The following LARGE1 variants were observed in gnomAD, a reference collection of about 807,000 sequenced individuals.
The protein encoded by LARGE1 is LARGE xylosyl- and glucuronyltransferase 1, also known as xylosyl- and glucuronyltransferase LARGE1.
Under a neutral mutation model 87.6 loss-of-function variants are expected in LARGE1, and 43 were observed. The observed-to-expected ratio is 0.49, with a 90% CI of 0.38 to 0.63. The LOEUF (loss-of-function observed/expected upper bound fraction) is 0.63. Among genes scored for constraint, LARGE1 ranks in the 30% least tolerant of loss-of-function variants. The probability of loss-of-function intolerance (pLI) is 0.00; values close to 1 mark genes in which losing one functional copy is unlikely to be tolerated. For missense variants in LARGE1, 802 were observed against 1,000.2 expected, an observed-to-expected ratio of 0.80 and a Z score of 2.67; for synonymous variants, 434 against 394.6, an observed-to-expected ratio of 1.10 and a Z score of -1.18.
chr22:33,600,885 T>C (rs2079095865), intron 5 of LARGE1, among the ~76,000 whole-genome samples: 1 of 152,048 alleles, frequency 6.6e-6, no homozygotes, highest in South Asian at 2.1e-4. Flanking sequence ...GCCAACTTGG[T>C]GAAACCCCGT....
chr22:33,429,279 G>A (rs1323597759), intron 7 of LARGE1, among the ~76,000 whole-genome samples: 1 of 152,124 alleles, frequency 6.6e-6, no homozygotes, highest in Non-Finnish European at 1.5e-5. Context: ...GCATTTTGAT[G>A]TTGCCTAAGT....
the LARGE1 span, among the ~76,000 whole-genome samples, chr22:33,135,609 G>T: frequency 0.32 from 47,961 of 151,948 alleles, 7,865 homozygotes; most frequent in South Asian, 0.46. Flanking sequence ...GGAGACGGAG[G>T]TGGGTGGATC....
At chr22:33,592,270 T>C (rs2078863188) in intron 5 of LARGE1, among the ~76,000 whole-genome samples, 1 of 152,192 alleles carries the variant, frequency 6.6e-6, no homozygotes, top group African/African-American at 2.4e-5. Flanking sequence ...GGAGCAAGAT[T>C]AATTTTTTCC....
chr22:33,871,996 AAAG>A (rs1387423381), intron 1 of LARGE1, among the ~76,000 whole-genome samples: 3 of 151,512 alleles, frequency 2.0e-5, no homozygotes, highest in African/African-American at 7.3e-5. Context: ...AAAAAAAAAA[AAAG>A]AAAAGAAAAC....
chr22:33,680,191 G>C (rs2081716057), intron 2 of LARGE1, among the ~76,000 whole-genome samples: 1 of 152,126 alleles, frequency 6.6e-6, no homozygotes. Flanking sequence ...CCTAAGTAAT[G>C]GCAGTAAGTG....
chr22:33,465,879 T>C (rs1463488090), intron 6 of LARGE1, among the ~76,000 whole-genome samples: 1 of 152,156 alleles, frequency 6.6e-6, no homozygotes, highest in East Asian at 1.9e-4. Flanking sequence ...CTCCAAAATA[T>C]ATCTTGGATC....
At chr22:33,382,537 T>C (rs2065193079) in intron 8 of LARGE1, among the ~76,000 whole-genome samples, 1 of 152,176 alleles carries the variant, frequency 6.6e-6, no homozygotes, top group South Asian at 2.1e-4. Context: ...CAGTGATGGA[T>C]GCTCCTTGGA....
chr22:33,656,482 G>A (rs894368400), intron 2 of LARGE1, among the ~76,000 whole-genome samples: 2 of 152,072 alleles, frequency 1.3e-5, no homozygotes, highest in Non-Finnish European at 2.9e-5. Context: ...ATTTGGGTGG[G>A]GACACAGCCA....
At chr22:33,498,618 C>T (rs2070272319) in intron 6 of LARGE1, among the ~76,000 whole-genome samples, 1 of 152,194 alleles carries the variant, frequency 6.6e-6, no homozygotes, top group Non-Finnish European at 1.5e-5. Context: ...TTCCCATGCA[C>T]TTCCAAATCA....
chr22:33,067,124 G>A, the LARGE1 span, among the ~76,000 whole-genome samples: 32 of 152,054 alleles, frequency 2.1e-4, no homozygotes, highest in East Asian at 4.3e-3. Context: ...GCCCCTGGAA[G>A]GAGAGCAGAG....
chr22:33,832,227 C>T (rs1359455790), intron 1 of LARGE1, among the ~76,000 whole-genome samples: 2 of 152,180 alleles, frequency 1.3e-5, no homozygotes, highest in Non-Finnish European at 2.9e-5. Flanking sequence ...TCACTTAGCT[C>T]GAGCTCCAGA....
the LARGE1 span, among the ~76,000 whole-genome samples, chr22:33,104,971 TTCTTTCTTTTTCTTTTCTTTCTC>T: frequency 6.9e-6 from 1 of 145,314 alleles, no homozygotes; most frequent in African/African-American, 2.5e-5. Context: ...CTCTCTTTCT[TTCTTTCTTTTTCTTTTCTTTCTC>T]TCTCTCTCTT....
chr22:33,349,132 G>T (rs74479518), intron 9 of LARGE1, among the ~76,000 whole-genome samples: 3,886 of 152,210 alleles, frequency 0.026, 150 homozygotes, highest in African/African-American at 0.088. Flanking sequence ...GAAGTATGAA[G>T]ATGGACGAAT....
At chr22:33,545,620 G>A in intron 6 of LARGE1, among the ~76,000 whole-genome samples, 1 of 152,108 alleles carries the variant, frequency 6.6e-6, no homozygotes, top group East Asian at 1.9e-4. Context: ...TGTATTTTTT[G>A]CAGATATGGG....
At chr22:33,195,652 T>G (rs1408637569) in intron 11 of LARGE1, among the ~76,000 whole-genome samples, 1 of 151,844 alleles carries the variant, frequency 6.6e-6, no homozygotes, top group Non-Finnish European at 1.5e-5. Flanking sequence ...TATATCAAAA[T>G]CTAGATGATA....
chr22:33,624,340 T>C (rs2079853239), intron 4 of LARGE1, among the ~76,000 whole-genome samples: 1 of 152,160 alleles, frequency 6.6e-6, no homozygotes, highest in East Asian at 1.9e-4. Flanking sequence ...CATTAATAGA[T>C]ATATAAAATA....
chr22:33,404,139 C>T (rs1160130698), intron 7 of LARGE1, among the ~76,000 whole-genome samples: 3 of 152,110 alleles, frequency 2.0e-5, no homozygotes, highest in Non-Finnish European at 2.9e-5. Context: ...ATAAAGAAAG[C>T]TCAGCTGGGA....
intron 7 of LARGE1, among the ~76,000 whole-genome samples, chr22:33,392,147 T>A (rs943769564): frequency 1.1e-4 from 14 of 126,648 alleles, no homozygotes; most frequent in African/African-American, 6.5e-4. Flanking sequence ...AACACACGCT[T>A]CTTCTTTTTT....
At chr22:33,515,042 C>T (rs962664601) in intron 6 of LARGE1, among the ~76,000 whole-genome samples, 5 of 151,348 alleles carry the variant, frequency 3.3e-5, no homozygotes, top group Non-Finnish European at 7.4e-5. Context: ...AAATTGATAT[C>T]GAGCAGTTTA....
Sources: gnomAD v4.1 joint callset for allele counts (sites outside exome capture counted in the v4.1 genomes callset) on GRCh38, gnomAD v4.1.1 for gene constraint, MANE v1.5 for transcripts, NCBI Gene and HGNC (gene_info 2026-07-23, HGNC 2026-07-21) for gene names.